The following SLC24A2 variants were observed in gnomAD, a reference collection of about 807,000 sequenced individuals.
SLC24A2 encodes solute carrier family 24 member 2, also known as sodium/potassium/calcium exchanger 2.
A neutral mutation model predicts 62.0 loss-of-function variants in SLC24A2; 36 were observed. The ratio of observed to expected loss-of-function variants is 0.58; its 90% CI spans 0.44 to 0.77. The LOEUF (loss-of-function observed/expected upper bound fraction) is 0.77. Among genes scored for constraint, SLC24A2 ranks in the 30% least tolerant of loss-of-function variants. The pLI is 0.00. For synonymous variants in SLC24A2, 358 were observed against 294.0 expected, an observed-to-expected ratio of 1.22 and a Z score of -2.23; for missense variants, 846 against 817.9, an observed-to-expected ratio of 1.03 and a Z score of -0.42.
chr9:19,909,830 T>C, the SLC24A2 span, among the ~76,000 whole-genome samples: 2 of 152,088 alleles, frequency 1.3e-5, no homozygotes, highest in African/African-American at 4.8e-5. Flanking sequence ...GTGGTGTATA[T>C]TGGGGTGGCA....
the SLC24A2 span, among the ~76,000 whole-genome samples, chr9:20,005,527 T>C: frequency 2.0e-5 from 3 of 152,072 alleles, no homozygotes; most frequent in African/African-American, 7.2e-5. Context: ...ACAAAGTTAC[T>C]ACATTGCTGA....
At chr9:19,739,302 T>A (rs1017134744) in intron 2 of SLC24A2, among the ~76,000 whole-genome samples, 1 of 152,224 alleles carries the variant, frequency 6.6e-6, no homozygotes, top group Non-Finnish European at 1.5e-5. Flanking sequence ...TTGAATGCAA[T>A]TCTACTCAAA....
At chr9:20,277,590 G>A in the SLC24A2 span, among the ~76,000 whole-genome samples, 3 of 152,258 alleles carry the variant, frequency 2.0e-5, no homozygotes, top group South Asian at 2.1e-4. Flanking sequence ...GGAAACAACA[G>A]GTGCTGGAGA....
chr9:19,957,716 G>A, the SLC24A2 span: 3 of 152,382 alleles, frequency 2.0e-5, no homozygotes, highest in Non-Finnish European at 4.4e-5. Context: ...GGCTGTAGAA[G>A]AACCAGAAGT....
rs201075419 is a variant in SLC24A2 at position 19,543,048 on chromosome 9, A to T, written c.1479+7089T>A. Among the ~76,000 whole-genome samples, 43 of 152,260 alleles carry T rather than the reference A, an allele frequency of 2.8e-4. No homozygotes were observed. The South Asian group carries it at 2.9e-3, about 10-fold the overall frequency. On this transcript the variant is annotated intron_variant, in intron 8 of 10. Coordinates refer to ENST00000341998, the MANE Select transcript of SLC24A2 (RefSeq NM_020344.4). The stretch of plus-strand genomic sequence containing the variant: ...CTTTGTACCTCTGGTAGAATTTGGC[A>T]GTGAATTCATCTGGTTCTGGACTTT...
chr9:19,907,665 T>A, the SLC24A2 span, among the ~76,000 whole-genome samples: 1 of 152,076 alleles, frequency 6.6e-6, no homozygotes, highest in South Asian at 2.1e-4. Flanking sequence ...AAATCAAAAA[T>A]CACAAGCATT....
At chr9:19,977,589 A>T in the SLC24A2 span, among the ~76,000 whole-genome samples, 1 of 152,172 alleles carries the variant, frequency 6.6e-6, no homozygotes, top group African/African-American at 2.4e-5. Flanking sequence ...CTTGGGCGTG[A>T]CTTGCTGAAT....
chr9:19,807,266 A>T, the SLC24A2 span, among the ~76,000 whole-genome samples: 1 of 152,228 alleles, frequency 6.6e-6, no homozygotes, highest in Non-Finnish European at 1.5e-5. Flanking sequence ...AAGGAACAAA[A>T]GGAAGGTGAT....
At chr9:20,001,241 G>T in the SLC24A2 span, among the ~76,000 whole-genome samples, 4 of 152,146 alleles carry the variant, frequency 2.6e-5, no homozygotes, top group African/African-American at 9.7e-5. Context: ...AGGAGGGAGT[G>T]TGCATCCACC....
chr9:19,785,848 T>A, intron 2 of SLC24A2, 89 bp downstream of exon 2: 2 of 1,546,778 alleles, frequency 1.3e-6, no homozygotes, highest in African/African-American at 2.7e-5. Context: ...CCAAACACCA[T>A]CACATCAAAA....
chr9:19,730,170 T>C (rs777095986), intron 2 of SLC24A2, among the ~76,000 whole-genome samples: 1 of 152,184 alleles, frequency 6.6e-6, no homozygotes, highest in Admixed American at 6.5e-5. Context: ...AGGTACAGAA[T>C]GCAGTGAGAA....
At chr9:19,923,474 C>G in the SLC24A2 span, among the ~76,000 whole-genome samples, 4 of 152,128 alleles carry the variant, frequency 2.6e-5, no homozygotes, top group Non-Finnish European at 5.9e-5. Context: ...CCTTTCCTGA[C>G]CTGGCTCTTT....
intron 8 of SLC24A2, among the ~76,000 whole-genome samples, chr9:19,545,765 A>C (rs1162538181): frequency 6.6e-6 from 1 of 151,752 alleles, no homozygotes; most frequent in Non-Finnish European, 1.5e-5. Context: ...CAGCCTCCTG[A>C]GTAGCTGGGA....
the SLC24A2 span, among the ~76,000 whole-genome samples, chr9:20,134,897 A>G: frequency 6.6e-6 from 1 of 152,212 alleles, no homozygotes; most frequent in Non-Finnish European, 1.5e-5. Context: ...TGCTTTCCAA[A>G]AAGTCATCTT....
Position 19,599,958 on chromosome 9 carries a change from A to C in SLC24A2, c.1079-2679T>G, listed in dbSNP as rs1307514727. On this transcript the variant is annotated intron_variant, in intron 4 of 10. Transcript: ENST00000341998. The surrounding 1 kb of genome is among the most constrained non-coding windows in gnomAD (Gnocchi z 4.5). ...TGGATTAGGATTCAAACTGGGGCTAATCCAAGGTTAGTTTTTTTGGGGATA... is the reference window on the plus strand; with the variant it reads ...TGGATTAGGATTCAAACTGGGGCTACTCCAAGGTTAGTTTTTTTGGGGATA... Among the ~76,000 whole-genome samples, 3 of 152,212 alleles carry C rather than the reference A, an allele frequency of 2.0e-5. No individual in the cohort carries two copies. The highest frequency in any genetic ancestry group is 4.4e-5 in the Non-Finnish European group (3 of 68,034).
At chr9:20,062,182 T>C in the SLC24A2 span, among the ~76,000 whole-genome samples, 2 of 152,304 alleles carry the variant, frequency 1.3e-5, no homozygotes, top group East Asian at 1.9e-4. Context: ...TGAGCTATGA[T>C]TGTGCCACTG....
At chr9:19,564,578 T>G (rs563595147) in intron 7 of SLC24A2, among the ~76,000 whole-genome samples, 412 of 152,242 alleles carry the variant, frequency 2.7e-3, no homozygotes, top group Non-Finnish European at 4.5e-3. Context: ...TTCCTAGGAA[T>G]GTCATTTTCT....
chr9:19,602,789 G>A (rs1035698676), intron 4 of SLC24A2, among the ~76,000 whole-genome samples: 7 of 152,068 alleles, frequency 4.6e-5, no homozygotes, highest in Non-Finnish European at 7.4e-5. Flanking sequence ...TCTGTAATAT[G>A]GTTATAATAA....
At chr9:19,805,457 T>TA in the SLC24A2 span, among the ~76,000 whole-genome samples, 2 of 152,140 alleles carry the variant, frequency 1.3e-5, no homozygotes, top group Non-Finnish European at 1.5e-5. Context: ...TTCACCTTAT[T>TA]AAAAAATGCA....
Sources: allele counts gnomAD v4.1 joint callset (sites outside exome capture counted in the v4.1 genomes callset), GRCh38; gene constraint gnomAD v4.1.1; non-coding constraint Gnocchi (gnomAD v3.1); transcripts MANE v1.5; gene names NCBI Gene and HGNC (gene_info 2026-07-23, HGNC 2026-07-21).